TMC2: variants seen among roughly 807,000 people sequenced by gnomAD.
TMC2 encodes transmembrane channel like 2.
In TMC2, 102 loss-of-function variants were observed where a neutral mutation model predicts 105.9. That is an observed-to-expected ratio of 0.96 (90% CI 0.82 to 1.14). The LOEUF is 1.14. Ranked by LOEUF, TMC2 falls within the 50% of genes most tolerant of loss-of-function variation. The probability of loss-of-function intolerance (pLI) is 0.00; values close to 1 mark genes in which losing one functional copy is unlikely to be tolerated. For synonymous variants in TMC2, 402 were observed against 422.8 expected, an observed-to-expected ratio of 0.95 and a Z score of 0.60; for missense variants, 1,093 against 1,134.3, an observed-to-expected ratio of 0.96 and a Z score of 0.52.
intron 16 of TMC2, among the ~76,000 whole-genome samples, chr20:2,618,845 T>G (rs2146250714): frequency 6.6e-6 from 1 of 152,324 alleles, no homozygotes; most frequent in South Asian, 2.1e-4. Context: ...TGTTAAAGGC[T>G]CTGAAGAATC....
chr20:2,576,909 TTTTG>T (rs1243855785), intron 5 of TMC2, among the ~76,000 whole-genome samples: 12,667 of 121,110 alleles, frequency 0.1, 722 homozygotes, highest in African/African-American at 0.15. Context: ...GGTTTTTTTT[TTTTG>T]TTTTTTTTTT....
At chr20:2,569,161 C>A (rs1402726247) in intron 4 of TMC2, among the ~76,000 whole-genome samples, 1 of 152,176 alleles carries the variant, frequency 6.6e-6, no homozygotes, top group Non-Finnish European at 1.5e-5. Context: ...TTTCCGTGGT[C>A]TAAATACTCC....
rs41282318 is a variant in TMC2 at position 2,536,673 on chromosome 20, T to C, written c.34+18T>C. The C allele has an allele frequency of 4.4e-3, 6,837 of 1,568,448 alleles. 87 individuals are homozygous for C. The highest frequency in any genetic ancestry group is 0.019 in the South Asian group (1,585 of 85,194). On this transcript the variant is annotated intron_variant, in intron 1 of 19. Transcript: ENST00000358864. ...AGAGGAAGGTGAGTCCACGTCCTGA[T>C]CCTGCGGGGCCCGCCCACAGGGTTC...
chr20:2,622,033 A>AAATAATAAT (rs770590965), intron 16 of TMC2, among the ~76,000 whole-genome samples: 1 of 152,156 alleles, frequency 6.6e-6, no homozygotes, highest in Non-Finnish European at 1.5e-5. Context: ...CTGGAAATAA[A>AAATAATAAT]AATAATAATA....
chr20:2,608,556 G>A (rs2086411655), intron 11 of TMC2, among the ~76,000 whole-genome samples: 2 of 151,956 alleles, frequency 1.3e-5, no homozygotes, highest in Non-Finnish European at 2.9e-5. Context: ...TCAAACTCCT[G>A]AACCCAGGTG....
At chr20:2,542,094 G>A (rs781122754) in intron 2 of TMC2, among the ~76,000 whole-genome samples, 33 of 152,042 alleles carry the variant, frequency 2.2e-4, no homozygotes, top group Middle Eastern at 3.2e-3. Context: ...TACCTTCCTA[G>A]GTTCAGTGAC....
intron 17 of TMC2, among the ~76,000 whole-genome samples, chr20:2,628,962 C>T (rs1369206958): frequency 1.3e-5 from 2 of 151,276 alleles, no homozygotes; most frequent in Admixed American, 6.6e-5. Flanking sequence ...ATTAGCCGGG[C>T]GTGGTGGCGG....
chr20:2,599,295 T>TAAAAA (rs11473820), intron 10 of TMC2, among the ~76,000 whole-genome samples: 1 of 126,818 alleles, frequency 7.9e-6, no homozygotes, highest in South Asian at 2.5e-4. Flanking sequence ...GGGATAATGT[T>TAAAAA]AAAAAAAAAA....
chr20:2,565,937 G>A (rs1348109163), intron 4 of TMC2, among the ~76,000 whole-genome samples: 2 of 152,174 alleles, frequency 1.3e-5, no homozygotes, highest in Non-Finnish European at 2.9e-5. Flanking sequence ...CTGCTTGGTG[G>A]CTGAGGTAGG....
chr20:2,560,312 A>C (rs2086016980), intron 3 of TMC2, among the ~76,000 whole-genome samples: 1 of 152,046 alleles, frequency 6.6e-6, no homozygotes. Flanking sequence ...TCAACCTTCA[A>C]GGGCATCCTA....
At position 2,558,989 on chromosome 20, in the gene TMC2, G is replaced by T. The variant is rs1389497466; in HGVS notation, c.401+215G>T. ...GGGATGAAGATCGCGGGTCCGCGCG[G>T]GGGAGTGGCCGCGGGCTCTCCACTC... On this transcript the variant is annotated intron_variant, in intron 3 of 19. Coordinates refer to ENST00000358864, the MANE Select transcript of TMC2 (RefSeq NM_080751.3). This position sits in a 1 kb window ranked among gnomAD's most constrained non-coding sequence, Gnocchi z 4.6. Among the ~76,000 whole-genome samples, 2 of 152,154 alleles carry T rather than the reference G, an allele frequency of 1.3e-5. No individual in the cohort carries two copies. Among genetic ancestry groups the T allele is most frequent in the Non-Finnish European group, 2.9e-5 (2 of 68,012 alleles).
intron 8 of TMC2, 134 bp from the exon 9 acceptor site, chr20:2,594,691 C>T (rs2086292642): frequency 2.3e-6 from 2 of 888,320 alleles, no homozygotes; most frequent in Non-Finnish European, 3.4e-6. Flanking sequence ...AGAACAAGAA[C>T]ATCTGGAACT....
intron 11 of TMC2, among the ~76,000 whole-genome samples, chr20:2,607,238 C>A: frequency 6.6e-6 from 1 of 152,060 alleles, no homozygotes; most frequent in Non-Finnish European, 1.5e-5. Context: ...CTCTCTCTTC[C>A]ACTGTTTTTA....
Position 2,558,330 on chromosome 20 carries a change from T to A in TMC2, c.83-126T>A, listed in dbSNP as rs1409438202. The A allele has an allele frequency of 6.7e-7, 1 of 1,481,652 alleles. No individual in the cohort carries two copies. The highest frequency in any genetic ancestry group is 2.4e-5 in the Admixed American group (1 of 41,724). The allele number at this position is 1,481,652 out of a possible 1,614,324, so 91.8% of individuals were successfully genotyped here. Reference sequence around the variant, plus strand: ...AGGTGCCATACTTTGGGGTGTCCTGTTCTGAGCCCCGCAGAGCTCACAAGC... The same window carrying A: ...AGGTGCCATACTTTGGGGTGTCCTGATCTGAGCCCCGCAGAGCTCACAAGC... On this transcript the variant is annotated intron_variant, in intron 2 of 19. Transcript: ENST00000358864. The surrounding 1 kb of genome is among the most constrained non-coding windows in gnomAD (Gnocchi z 4.6).
chr20:2,558,823 C>T lies in TMC2; in HGVS notation c.401+49C>T. On this transcript the variant is annotated intron_variant, in intron 3 of 19. Coordinates refer to ENST00000358864, the MANE Select transcript of TMC2 (RefSeq NM_080751.3). The surrounding 1 kb of genome is among the most constrained non-coding windows in gnomAD (Gnocchi z 4.6). ...GCATTCGCTCCGCGCGCTCCCGCTC[C>T]TTCGCGGCCCTTCCCCTTCCCCCGT... is the stretch of plus-strand genomic sequence containing the variant. 2 of 1,473,496 alleles carry T rather than the reference C, an allele frequency of 1.4e-6. No individual in the cohort carries two copies. Among genetic ancestry groups the T allele is most frequent in the Non-Finnish European group, 9.0e-7 (1 of 1,109,864 alleles). 91.3% of individuals were successfully genotyped at this position (1,473,496 alleles called of 1,614,324 possible).
chr20:2,583,651 C>T (rs1034637499), intron 7 of TMC2, among the ~76,000 whole-genome samples: 5 of 151,958 alleles, frequency 3.3e-5, no homozygotes, highest in East Asian at 1.9e-4. Flanking sequence ...TTAGTAGAGA[C>T]GGGATTTCAG....
intron 2 of TMC2, among the ~76,000 whole-genome samples, chr20:2,541,904 GTTTCCTAATTGCATTTCCCC>G (rs2085892393): frequency 1.8e-5 from 1 of 54,874 alleles, no homozygotes; most frequent in African/African-American, 5.4e-5. Flanking sequence ...ATTTTCCGCC[GTTTCCTAATTGCATTTCCCC>G]ATTAGTAACT....
intron 2 of TMC2, among the ~76,000 whole-genome samples, chr20:2,553,379 G>C (rs886744098): frequency 6.6e-6 from 1 of 152,154 alleles, no homozygotes; most frequent in Non-Finnish European, 1.5e-5. Flanking sequence ...CTGTTGATAA[G>C]ATGGATTACA....
rs371075856 is a variant in TMC2, at chr20:2,606,504, C to T, written c.1414-3915C>T. 4.6e-5 allele frequency among the ~76,000 whole-genome samples: 7 copies of T among 152,328 alleles called. No homozygotes were observed. The South Asian group carries it at 1.0e-3, about 23-fold the overall frequency. On this transcript the variant is annotated intron_variant, in intron 11 of 19. Transcript: ENST00000358864. ...CAAACTCCTGACCTCAAGTGATCTG[C>T]CTGCCTCAGCCTCCCAAAGTGCTGG...
Sources: allele counts gnomAD v4.1 joint callset (sites outside exome capture counted in the v4.1 genomes callset), GRCh38; gene constraint gnomAD v4.1.1; non-coding constraint Gnocchi (gnomAD v3.1); transcripts MANE v1.5; gene names NCBI Gene and HGNC (gene_info 2026-07-23, HGNC 2026-07-21).